Variants in TTLL1 observed in about 807,000 individuals in gnomAD.
The protein encoded by TTLL1 is polyglutamylase complex subunit TTLL1.
A neutral mutation model predicts 47.8 loss-of-function variants in TTLL1; 33 were observed. That is an observed-to-expected ratio of 0.69 (90% CI 0.52 to 0.92). The LOEUF (loss-of-function observed/expected upper bound fraction) is 0.92. TTLL1 is among the 40% of genes least tolerant of loss of function. The probability of loss-of-function intolerance (pLI) is 0.00; values close to 1 mark genes in which losing one functional copy is unlikely to be tolerated. For synonymous variants in TTLL1, 225 were observed against 214.1 expected, an observed-to-expected ratio of 1.05 and a Z score of -0.45; for missense variants, 488 against 547.5, an observed-to-expected ratio of 0.89 and a Z score of 1.08.
chr22:43,039,795 A>C lies in TTLL1; in HGVS notation c.1253T>G (p.Val418Gly). The C allele has an allele frequency of 1.2e-6, 2 of 1,613,080 alleles. No individual in the cohort carries two copies. The highest frequency in any genetic ancestry group is 1.1e-5 in the South Asian group (1 of 91,012). The change falls in exon 11 of 11, where the codon GTC becomes GGC. Residue 418 changes from valine (V) to glycine (G), a missense_variant. Val to Gly is a moderately radical substitution (Grantham distance 109, BLOSUM62 -3). Coordinates refer to ENST00000266254, the MANE Select transcript of TTLL1 (RefSeq NM_012263.5). ...TGGGACTCACTTCCAGGTGGTGAGG[A>C]CCGCTCTCCCCGAGTCTCTCGATCG... ...AGRSRDSGRA[V>G]LTTWK
chr22:43,057,355 C>A (rs909116329), intron 8 of TTLL1, among the ~76,000 whole-genome samples: 1 of 152,004 alleles, frequency 6.6e-6, no homozygotes, highest in African/African-American at 2.4e-5. Context: ...AAGTGATCCT[C>A]CACCTCGGCG....
intron 7 of TTLL1, among the ~76,000 whole-genome samples, chr22:43,062,223 T>G (rs566394481): frequency 1.3e-5 from 2 of 152,302 alleles, no homozygotes; most frequent in African/African-American, 4.8e-5. Flanking sequence ...CCGGGCGCAG[T>G]AGCTCACACC....
intron 5 of TTLL1, among the ~76,000 whole-genome samples, chr22:43,068,085 A>G (rs1296277091): frequency 6.7e-6 from 1 of 148,778 alleles, no homozygotes; most frequent in Non-Finnish European, 1.5e-5. Context: ...AAGGGCTGAG[A>G]TTACAGGCAT....
chr22:43,081,404 C>T (rs1003010812), intron 1 of TTLL1, among the ~76,000 whole-genome samples: 1 of 152,042 alleles, frequency 6.6e-6, no homozygotes, highest in African/African-American at 2.4e-5. Flanking sequence ...TTTTGACAGT[C>T]GCTCCCATAG....
At chr22:43,055,958 A>G (rs1926971636) in intron 8 of TTLL1, among the ~76,000 whole-genome samples, 1 of 151,310 alleles carries the variant, frequency 6.6e-6, no homozygotes, top group Non-Finnish European at 1.5e-5. Context: ...TTGCCCAGGC[A>G]GGTCTCGAAT....
intron 3 of TTLL1, among the ~76,000 whole-genome samples, chr22:43,073,422 T>C (rs1368844558): frequency 4.6e-5 from 7 of 151,884 alleles, no homozygotes; most frequent in African/African-American, 1.7e-4. Context: ...AGTGGTGTGA[T>C]TTCAGCTCAC....
chr22:43,076,634 C>G (rs1928515580), intron 2 of TTLL1, among the ~76,000 whole-genome samples: 1 of 151,346 alleles, frequency 6.6e-6, no homozygotes, highest in Admixed American at 6.6e-5. Flanking sequence ...GCCTGTAATC[C>G]CAGCTACTCG....
intron 5 of TTLL1, 49 bp from the exon 6 acceptor site, chr22:43,064,373 C>G: frequency 6.4e-7 from 1 of 1,574,268 alleles, no homozygotes; most frequent in South Asian, 1.2e-5. Flanking sequence ...GATGCAATAA[C>G]GAAGACACAA....
chr22:43,056,460 GTCTT>G (rs1358705579), intron 8 of TTLL1, among the ~76,000 whole-genome samples: 4 of 122,176 alleles, frequency 3.3e-5, no homozygotes, highest in Non-Finnish European at 6.9e-5. Flanking sequence ...CTTTCTTCTT[GTCTT>G]TTTTTTTTTT....
chr22:43,068,429 G>C lies in TTLL1; in HGVS notation c.484C>G (p.Arg162Gly). The C allele has an allele frequency of 6.5e-7, 1 of 1,537,290 alleles. No individual in the cohort carries two copies. The highest frequency in any genetic ancestry group is 8.9e-7 in the Non-Finnish European group (1 of 1,126,354). ...NKLSQIKKWSRDSKTSSFVSQ... is the reference protein window; with the variant it reads ...NKLSQIKKWSGDSKTSSFVSQ... The stretch of plus-strand genomic sequence containing the variant: ...ACTTACGAAGATGTCTTGCTGTCCC[G>C]GGACCACTTTTTGATCTGTGAGAGC... Residue 162 changes from arginine (R) to glycine (G), a missense_variant, in exon 5 of 11, where the codon CGG (arginine) becomes GGG (glycine). Coordinates refer to ENST00000266254, the MANE Select transcript of TTLL1 (RefSeq NM_012263.5).
At chr22:43,060,206 G>C (rs1368230083) in intron 7 of TTLL1, among the ~76,000 whole-genome samples, 1 of 152,196 alleles carries the variant, frequency 6.6e-6, no homozygotes, top group African/African-American at 2.4e-5. Context: ...GCTGTGGAGT[G>C]CTGCCGGGAT....
At chr22:43,047,109 C>T (rs1926203971) in intron 9 of TTLL1, among the ~76,000 whole-genome samples, 1 of 152,170 alleles carries the variant, frequency 6.6e-6, no homozygotes, top group African/African-American at 2.4e-5. Flanking sequence ...ATCTACAAAT[C>T]AGCGATCGCA....
At chr22:43,063,777 C>T (rs1322337119) in intron 7 of TTLL1, 36 bp downstream of exon 7, 1 of 1,594,520 alleles carries the variant, frequency 6.3e-7, no homozygotes, top group Non-Finnish European at 8.6e-7. Flanking sequence ...GAAAGTCAGT[C>T]CATTTCTGTA....
chr22:43,065,798 G>A (rs1026739055), intron 5 of TTLL1, among the ~76,000 whole-genome samples: 5 of 151,954 alleles, frequency 3.3e-5, no homozygotes, highest in Admixed American at 2.6e-4. Flanking sequence ...GGGGGAGGCC[G>A]TGCATGTGTG....
chr22:43,042,004 TG>T (rs370891588), intron 10 of TTLL1, among the ~76,000 whole-genome samples: 2,769 of 151,660 alleles, frequency 0.018, 96 homozygotes, highest in African/African-American at 0.063. Context: ...TCTGCCTGGG[TG>T]GGGGGGGTCC....
intron 10 of TTLL1, among the ~76,000 whole-genome samples, chr22:43,043,326 C>T (rs529633617): frequency 2.0e-5 from 3 of 152,082 alleles, no homozygotes; most frequent in Admixed American, 6.6e-5. Context: ...AGGCTCTACA[C>T]GCTCCCAACA....
rs34036244 is a variant in TTLL1, at chr22:43,083,025, A to AAATAAT, written c.-89-3045_-89-3040dup. Among the ~76,000 whole-genome samples the AAATAAT allele has an allele frequency of 9.6e-3, 1,420 of 148,340 alleles. 25 individuals carry two copies. The highest frequency in any genetic ancestry group is 0.03 in the African/African-American group (1,215 of 40,812). ...ACAAAACTCTGTCTCAAAAATAATA[A>AAATAAT]AATAATAATAATAATAATAATAAAG... On this transcript the variant is annotated intron_variant, in intron 1 of 10. Transcript: ENST00000266254.
intron 7 of TTLL1, among the ~76,000 whole-genome samples, chr22:43,060,190 G>T (rs778150349): frequency 6.6e-6 from 1 of 152,174 alleles, no homozygotes; most frequent in Non-Finnish European, 1.5e-5. Context: ...ATGCCTCACA[G>T]CACAGGCTGT....
chr22:43,053,384 C>T (rs1301023677), intron 8 of TTLL1, among the ~76,000 whole-genome samples: 2 of 152,192 alleles, frequency 1.3e-5, no homozygotes, highest in Non-Finnish European at 2.9e-5. Context: ...TGTAATTTAG[C>T]GGAATTACAT....
Sources: allele counts gnomAD v4.1 joint callset (sites outside exome capture counted in the v4.1 genomes callset), GRCh38; gene constraint gnomAD v4.1.1; transcripts MANE v1.5; gene names NCBI Gene and HGNC (gene_info 2026-07-23, HGNC 2026-07-21).